Variants in DCUN1D4 observed in about 807,000 individuals in gnomAD.
The protein encoded by DCUN1D4 is DCN1-like protein 4.
In DCUN1D4, 22 loss-of-function variants were observed where a neutral mutation model predicts 47.9. That is an observed-to-expected ratio of 0.46 (90% CI 0.33 to 0.66). The LOEUF is 0.66. Among genes scored for constraint, DCUN1D4 ranks in the 30% least tolerant of loss-of-function variants. The pLI is 0.02. For synonymous variants in DCUN1D4, 121 were observed against 112.2 expected (o/e 1.08, Z -0.50); for missense variants, 301 against 340.8 (o/e 0.88, Z 0.92).
intron 8 of DCUN1D4, among the ~76,000 whole-genome samples, chr4:51,900,826 T>G (rs1323128120): frequency 6.6e-6 from 1 of 152,166 alleles, no homozygotes; most frequent in African/African-American, 2.4e-5. Context: ...GAAATTCATT[T>G]AGAAACATCA....
At chr4:51,839,881 A>T (rs535660885), upstream of DCUN1D4, among the ~76,000 whole-genome samples, 69 of 152,246 alleles carry the variant, frequency 4.5e-4, no homozygotes, top group Non-Finnish European at 8.8e-4. Flanking sequence ...GGGAAAGCGT[A>T]ACATTTGATT....
chr4:51,860,453 G>A (rs1311893429), intron 1 of DCUN1D4: 6 of 371,062 alleles, frequency 1.6e-5, no homozygotes, highest in East Asian at 1.5e-4. Flanking sequence ...TATATGAGTC[G>A]CAGTGCCATT....
At chr4:51,879,525 C>T (rs1274636965) in intron 5 of DCUN1D4, among the ~76,000 whole-genome samples, 8 of 152,078 alleles carry the variant, frequency 5.3e-5, no homozygotes, top group African/African-American at 1.7e-4. Context: ...GAGAATCACT[C>T]GAACCTGGGA....
At chr4:51,908,917 T>C (rs1376695342) in intron 8 of DCUN1D4, 1 of 456,170 alleles carries the variant, frequency 2.2e-6, no homozygotes, top group Non-Finnish European at 4.4e-6. Flanking sequence ...TCTTATTTGC[T>C]AGGCCGAAGA....
intron 1 of DCUN1D4, chr4:51,843,696 G>A: frequency 8.1e-7 from 1 of 1,236,294 alleles, no homozygotes; most frequent in Non-Finnish European, 1.0e-6. Context: ...CAAGGGTGAG[G>A]ATTTCCAAAG....
chr4:51,897,137 C>A, intron 7 of DCUN1D4, among the ~76,000 whole-genome samples: 1 of 152,194 alleles, frequency 6.6e-6, no homozygotes. Flanking sequence ...ATGTGTCATT[C>A]TCTTGAAGAA....
At chr4:51,845,439 A>T (rs906861304) in intron 1 of DCUN1D4, among the ~76,000 whole-genome samples, 5 of 152,210 alleles carry the variant, frequency 3.3e-5, no homozygotes, top group African/African-American at 9.6e-5. Flanking sequence ...AATAGAAGAA[A>T]ACTGTAAAAA....
At chr4:51,883,167 C>CT (rs1728947571) in intron 5 of DCUN1D4, among the ~76,000 whole-genome samples, 1 of 152,168 alleles carries the variant, frequency 6.6e-6, no homozygotes, top group African/African-American at 2.4e-5. Flanking sequence ...TTACCAGACA[C>CT]AGTCAGTGAA....
chr4:51,843,376 G>A (rs1364847307), intron 1 of DCUN1D4, 109 bp downstream of exon 1: 4 of 1,376,834 alleles, frequency 2.9e-6, no homozygotes, highest in African/African-American at 3.0e-5. Context: ...CGCGCCGGGA[G>A]CCCCTGCCTG....
At chr4:51,855,990 A>T (rs2109850505) in intron 1 of DCUN1D4, among the ~76,000 whole-genome samples, 1 of 152,324 alleles carries the variant, frequency 6.6e-6, no homozygotes, top group East Asian at 1.9e-4. Flanking sequence ...CAGGAGGCTG[A>T]GCCATGTGAC....
chr4:51,854,196 A>G (rs928826167), intron 1 of DCUN1D4, among the ~76,000 whole-genome samples: 1 of 152,220 alleles, frequency 6.6e-6, no homozygotes, highest in African/African-American at 2.4e-5. Flanking sequence ...GTGCCATGTC[A>G]TGTAGCTAGT....
chr4:51,841,052 C>T (rs1721619742), upstream of DCUN1D4, among the ~76,000 whole-genome samples: 2 of 152,168 alleles, frequency 1.3e-5, no homozygotes, highest in Admixed American at 6.5e-5. Context: ...GGCAAAGCAG[C>T]CGACCCATCC....
At chr4:51,859,638 CAAAAAAAAAAAAAAAA>C (rs35981680) in intron 1 of DCUN1D4, among the ~76,000 whole-genome samples, 4 of 39,494 alleles carry the variant, frequency 1.0e-4, no homozygotes, top group Non-Finnish European at 1.2e-4. Flanking sequence ...TTAAAACAAG[CAAAAAAAAAAAAAAAA>C]AAAAAAAAAA....
chr4:51,890,849 G>T (rs973450681), intron 6 of DCUN1D4, among the ~76,000 whole-genome samples: 1 of 152,170 alleles, frequency 6.6e-6, no homozygotes, highest in African/African-American at 2.4e-5. Flanking sequence ...TCAGTTCCCT[G>T]TGCTATCTTT....
At chr4:51,880,228 C>CT (rs1224767328) in intron 5 of DCUN1D4, among the ~76,000 whole-genome samples, 1 of 152,170 alleles carries the variant, frequency 6.6e-6, no homozygotes, top group East Asian at 1.9e-4. Context: ...ACCAGTGTGA[C>CT]TAACAGGTTG....
At chr4:51,847,034 A>G (rs764968785) in intron 1 of DCUN1D4, among the ~76,000 whole-genome samples, 8 of 152,182 alleles carry the variant, frequency 5.3e-5, no homozygotes, top group Non-Finnish European at 1.2e-4. Context: ...AACTGATCTC[A>G]TGCCACTGCT....
chr4:51,882,399 G>A (rs1049841841), intron 5 of DCUN1D4, among the ~76,000 whole-genome samples: 7 of 152,192 alleles, frequency 4.6e-5, no homozygotes, highest in Admixed American at 2.6e-4. Flanking sequence ...GATGCACGAC[G>A]GGGAGAGGAA....
At chr4:51,866,096 A>G (rs1249334301) in intron 3 of DCUN1D4, among the ~76,000 whole-genome samples, 2 of 152,212 alleles carry the variant, frequency 1.3e-5, no homozygotes. Flanking sequence ...AGAGAGGCAG[A>G]GAATGCGCTA....
intron 4 of DCUN1D4, 73 bp from the exon 5 acceptor site, chr4:51,877,690 G>T (rs1727911809): frequency 4.3e-6 from 4 of 921,192 alleles, no homozygotes; most frequent in Admixed American, 2.2e-5. Flanking sequence ...TTGGGTAAAA[G>T]AATATAAATT....
Sources: allele counts gnomAD v4.1 joint callset (sites outside exome capture counted in the v4.1 genomes callset), GRCh38; gene constraint gnomAD v4.1.1; transcripts MANE v1.5; gene names NCBI Gene and HGNC (gene_info 2026-07-23, HGNC 2026-07-21).